IPO11: variants seen among roughly 807,000 people sequenced by gnomAD.
The protein encoded by IPO11 is importin-11.
A neutral mutation model predicts 143.2 loss-of-function variants in IPO11; 66 were observed. The ratio of observed to expected loss-of-function variants is 0.46; its 90% CI spans 0.38 to 0.57. IPO11 has a LOEUF of 0.57. IPO11 is among the 20% of genes least tolerant of loss of function. IPO11 has a pLI of 0.00. For synonymous variants in IPO11, 385 were observed against 377.8 expected (o/e 1.02, Z -0.22); for missense variants, 1,026 against 1,141.0 (o/e 0.90, Z 1.45).
intron 27 of IPO11, among the ~76,000 whole-genome samples, chr5:62,590,472 A>G (rs1456008756): frequency 3.3e-5 from 5 of 152,362 alleles, no homozygotes; most frequent in Admixed American, 2.6e-4. Context: ...TTAAAATGTA[A>G]TAATGCAAGA....
intron 9 of IPO11, among the ~76,000 whole-genome samples, chr5:62,478,091 C>T (rs1014261213): frequency 7.9e-5 from 12 of 151,994 alleles, no homozygotes; most frequent in Admixed American, 7.2e-4. Context: ...TATTTTAAAT[C>T]GAATCCCAGA....
At chr5:62,513,416 C>CCT (rs1741860766) in intron 19 of IPO11, among the ~76,000 whole-genome samples, 1 of 40,502 alleles carries the variant, frequency 2.5e-5, no homozygotes, top group South Asian at 8.0e-4. Flanking sequence ...GGGCGCTGAC[C>CCT]CCCCCCCCAC....
At chr5:62,511,613 T>C (rs535578225) in intron 19 of IPO11, among the ~76,000 whole-genome samples, 2 of 152,330 alleles carry the variant, frequency 1.3e-5, no homozygotes, top group Non-Finnish European at 2.9e-5. Context: ...GTTGTTTGGC[T>C]ACCCTTTTAG....
At chr5:62,460,520 A>G (rs1185246668) in intron 5 of IPO11, among the ~76,000 whole-genome samples, 1 of 152,200 alleles carries the variant, frequency 6.6e-6, no homozygotes, top group Admixed American at 6.5e-5. Flanking sequence ...TTTGGTGCTA[A>G]TGTTTCTTAA....
At chr5:62,510,606 A>C (rs2112272511) in intron 19 of IPO11, among the ~76,000 whole-genome samples, 1 of 152,302 alleles carries the variant, frequency 6.6e-6, no homozygotes, top group South Asian at 2.1e-4. Context: ...AGATTTCCTT[A>C]GTTGCCCCAT....
intron 5 of IPO11, among the ~76,000 whole-genome samples, chr5:62,458,009 T>C (rs926326031): frequency 3.4e-4 from 52 of 151,428 alleles, no homozygotes; most frequent in African/African-American, 1.3e-3. Flanking sequence ...TAGCTGGGCG[T>C]GGTGGTGGGC....
chr5:62,521,879 G>C (rs906325180), intron 20 of IPO11, among the ~76,000 whole-genome samples: 2 of 151,700 alleles, frequency 1.3e-5, no homozygotes, highest in Non-Finnish European at 2.9e-5. Context: ...TAATTCTTTT[G>C]TACAACATTT....
chr5:62,450,808 GAATAA>G lies in IPO11; in HGVS notation c.312+815_312+819del, dbSNP rs1175175413. Among the ~76,000 whole-genome samples the G allele has an allele frequency of 7.2e-5, 11 of 151,726 alleles. No homozygotes were observed. The East Asian group carries it at 2.1e-3, about 29-fold the overall frequency. On this transcript the variant is annotated intron_variant, in intron 4 of 29. Coordinates refer to ENST00000325324, the MANE Select transcript of IPO11 (RefSeq NM_016338.5). ...TTTTTTTTATATTGAGGTCTTCTAA[GAATAA>G]AATAAGTTTTACTTATAGGTACAAT... is the stretch of plus-strand genomic sequence containing the variant.
At chr5:62,480,989 C>A (rs1244717619) in intron 9 of IPO11, among the ~76,000 whole-genome samples, 1 of 131,148 alleles carries the variant, frequency 7.6e-6, no homozygotes. Flanking sequence ...GATCTTGGGT[C>A]ACTGCAAGCT....
In IPO11 at chr5:62,498,757, C is replaced by A. The variant is rs189633780; in HGVS notation, c.1590+4633C>A. Among the ~76,000 whole-genome samples, 306 of 152,266 alleles carry A rather than the reference C, an allele frequency of 2.0e-3. 2 individuals are homozygous for A. Among genetic ancestry groups the A allele is most frequent in the African/African-American group, 7.2e-3 (299 of 41,550 alleles). On this transcript the variant is annotated intron_variant, in intron 16 of 29. Coordinates refer to ENST00000325324, the MANE Select transcript of IPO11 (RefSeq NM_016338.5). ...TGGTGGCGGGCACCTGTAGTCCCAG[C>A]TACTCAGGAGGTTGAGGCAGGAGAA...
rs571302235 is a variant in IPO11 at position 62,464,489 on chromosome 5, A to G, written c.517-2642A>G. Reference sequence around the variant, plus strand: ...CTTCGTTTTTTTTTGTTTGTTTTTGAGGCAGGGTCTCACTTTGTCACCCAG... The same window carrying G: ...CTTCGTTTTTTTTTGTTTGTTTTTGGGGCAGGGTCTCACTTTGTCACCCAG... On this transcript the variant is annotated intron_variant, in intron 5 of 29. Transcript: ENST00000325324. Among the ~76,000 whole-genome samples the G allele has an allele frequency of 4.0e-5, 6 of 150,036 alleles. No homozygotes were observed. In the South Asian group the frequency reaches 1.3e-3, roughly 32 times the overall value.
chr5:62,575,560 C>G (rs1744287092), intron 27 of IPO11, among the ~76,000 whole-genome samples: 1 of 152,048 alleles, frequency 6.6e-6, no homozygotes, highest in South Asian at 2.1e-4. Context: ...GTTTTTGTCT[C>G]CCATCCATCC....
At chr5:62,498,134 A>T (rs560422953) in intron 16 of IPO11, among the ~76,000 whole-genome samples, 1 of 152,132 alleles carries the variant, frequency 6.6e-6, no homozygotes, top group South Asian at 2.1e-4. Flanking sequence ...TTCATAGTTT[A>T]TGGAAGATTA....
Position 62,498,189 on chromosome 5 carries a change from G to A in IPO11, c.1590+4065G>A, listed in dbSNP as rs190117758. 2.0e-3 allele frequency among the ~76,000 whole-genome samples: 306 copies of A among 151,998 alleles called. 2 individuals are homozygous for A. Among genetic ancestry groups the A allele is most frequent in the African/African-American group, 7.2e-3 (299 of 41,468 alleles). ...ATTTTTTTTTTGCATGTGGTCCAGT[G>A]TTTGTACTTACTGTTAATTGACCAC... is the stretch of plus-strand genomic sequence containing the variant. On this transcript the variant is annotated intron_variant, in intron 16 of 29. Coordinates refer to ENST00000325324, the MANE Select transcript of IPO11 (RefSeq NM_016338.5).
chr5:62,425,752 A>G (rs1580162109), intron 1 of IPO11, among the ~76,000 whole-genome samples: 1 of 152,244 alleles, frequency 6.6e-6, no homozygotes, highest in African/African-American at 2.4e-5. Context: ...TTGCTAACAA[A>G]TACAAATGTA....
In IPO11 at chr5:62,449,516, G is replaced by GT. The variant is rs57729816; in HGVS notation, c.240-400dup. ...CTTGTATAGATTTTTTTTTAGCTGTGTTTTTTTTTTTCGTAGGCAACTATT... is the reference window on the plus strand; with the variant it reads ...CTTGTATAGATTTTTTTTTAGCTGTGTTTTTTTTTTTTCGTAGGCAACTATT... On this transcript the variant is annotated intron_variant, in intron 3 of 29. Transcript: ENST00000325324. 8.0e-3 allele frequency among the ~76,000 whole-genome samples: 1,142 copies of GT among 143,034 alleles called. 15 individuals are homozygous for GT. Among genetic ancestry groups the GT allele is most frequent in the African/African-American group, 0.026 (1,023 of 39,230 alleles). 93.8% of individuals were successfully genotyped at this position (143,034 alleles called of 152,430 possible).
chr5:62,512,999 C>G (rs1253461238), intron 19 of IPO11, among the ~76,000 whole-genome samples: 1 of 149,742 alleles, frequency 6.7e-6, no homozygotes, highest in African/African-American at 2.5e-5. Context: ...TACACAGACA[C>G]GGCAACCATC....
intron 1 of IPO11, among the ~76,000 whole-genome samples, chr5:62,436,013 C>T (rs1744218296): frequency 6.6e-6 from 1 of 152,130 alleles, no homozygotes; most frequent in Non-Finnish European, 1.5e-5. Flanking sequence ...CAGAGTGAGA[C>T]TCTGTCTCAA....
intron 22 of IPO11, among the ~76,000 whole-genome samples, chr5:62,536,086 A>G (rs1742723751): frequency 6.6e-6 from 1 of 152,228 alleles, no homozygotes; most frequent in African/African-American, 2.4e-5. Flanking sequence ...GATTGAAAAT[A>G]TCTAAACATA....
Sources: gnomAD v4.1 joint callset for allele counts (sites outside exome capture counted in the v4.1 genomes callset) on GRCh38, gnomAD v4.1.1 for gene constraint, MANE v1.5 for transcripts, NCBI Gene and HGNC (gene_info 2026-07-23, HGNC 2026-07-21) for gene names.